ZFYVE9: variants seen among roughly 807,000 people sequenced by gnomAD.
The protein encoded by ZFYVE9 is zinc finger FYVE-type containing 9, also known as zinc finger FYVE domain-containing protein 9.
A neutral mutation model predicts 126.7 loss-of-function variants in ZFYVE9; 43 were observed. The ratio of observed to expected loss-of-function variants is 0.34; its 90% CI spans 0.27 to 0.44. The LOEUF (loss-of-function observed/expected upper bound fraction) is 0.44, where lower values mean the gene tolerates loss of function less well. ZFYVE9 is among the 20% of genes least tolerant of loss of function. The pLI is 1.00. For missense variants in ZFYVE9, 1,476 were observed against 1,697.0 expected (o/e 0.87, Z 2.29); for synonymous variants, 521 against 597.4 (o/e 0.87, Z 1.87).
intron 4 of ZFYVE9, among the ~76,000 whole-genome samples, chr1:52,249,558 T>G (rs565765403): frequency 6.6e-6 from 1 of 152,308 alleles, no homozygotes; most frequent in African/African-American, 2.4e-5. Context: ...ATAAATGATT[T>G]GCAGATATTT....
rs572976704 is a variant in ZFYVE9 at position 52,296,946 on chromosome 1, A to G, written c.3333+969A>G. Among the ~76,000 whole-genome samples the G allele has an allele frequency of 6.6e-5, 10 of 152,198 alleles. No individual in the cohort carries two copies. The East Asian group carries it at 1.6e-3, about 24-fold the overall frequency. On this transcript the variant is annotated intron_variant, in intron 12 of 18. Coordinates refer to ENST00000287727, the MANE Select transcript of ZFYVE9 (RefSeq NM_004799.4). ...CTGAGCCTCCTGAGCAGCTGTGACT[A>G]TGGGAGCACACTACCACACCCAGCT...
intron 4 of ZFYVE9, chr1:52,253,762 G>A: frequency 1.2e-6 from 2 of 1,607,566 alleles, no homozygotes; most frequent in Admixed American, 1.7e-5. Flanking sequence ...GTTACGAGAT[G>A]ACAATCTAGA....
In ZFYVE9 at chr1:52,184,203, A is replaced by G. The variant is rs57550964; in HGVS notation, c.-142-32166A>G. ...TCTTTAATGACAAGTGTCATTATAT[A>G]TATATATTTATATATATAGATATAT... On this transcript the variant is annotated intron_variant, in intron 1 of 18. Coordinates refer to ENST00000287727, the MANE Select transcript of ZFYVE9 (RefSeq NM_004799.4). 5.1e-3 allele frequency among the ~76,000 whole-genome samples: 727 copies of G among 143,826 alleles called. 29 individuals carry two copies. In the East Asian group the frequency reaches 0.092, roughly 18 times the overall value. 94.4% of individuals were successfully genotyped at this position (143,826 alleles called of 152,430 possible).
intron 1 of ZFYVE9, chr1:52,160,210 A>T (rs1644443150): frequency 1.4e-6 from 1 of 728,604 alleles, no homozygotes; most frequent in Non-Finnish European, 2.5e-6. Context: ...CTGCCTGTTA[A>T]GCTGCTCCCA....
intron 2 of ZFYVE9, among the ~76,000 whole-genome samples, chr1:52,225,587 T>C (rs190312103): frequency 6.2e-4 from 94 of 152,324 alleles, no homozygotes; most frequent in South Asian, 1.7e-3. Context: ...CTGATCCCGA[T>C]TGGCCAAGGC....
At chr1:52,157,660 TC>T (rs1421026855) in intron 1 of ZFYVE9, among the ~76,000 whole-genome samples, 1 of 152,000 alleles carries the variant, frequency 6.6e-6, no homozygotes, top group African/African-American at 2.4e-5. Flanking sequence ...CACCTCAGCC[TC>T]CCAGAGTGTG....
At chr1:52,259,119 G>A (rs971266285) in intron 4 of ZFYVE9, among the ~76,000 whole-genome samples, 3 of 152,090 alleles carry the variant, frequency 2.0e-5, no homozygotes, top group East Asian at 1.9e-4. Flanking sequence ...GGGGCTGTAC[G>A]GAAAAGATCT....
rs763892738 is a variant in ZFYVE9 at position 52,268,541 on chromosome 1, A to G, written c.2534A>G (p.Lys845Arg). ...AATGGAGAAGTTGCTGATGCAGCCAAATTAACAATGAATGGAACTTCCTCT... is the reference window on the plus strand; with the variant it reads ...AATGGAGAAGTTGCTGATGCAGCCAGATTAACAATGAATGGAACTTCCTCT... ...LPNGEVADAA[K>R]LTMNGTSSAG... is the part of the protein sequence containing the mutation. The change falls in exon 7 of 19, where the codon AAA becomes AGA. Residue 845 changes from lysine to arginine, a missense_variant. Physicochemically the swap from Lys to Arg is conservative, Grantham distance 26. Transcript: ENST00000287727. 2.5e-6 allele frequency: 4 copies of G among 1,614,202 alleles called. No individual in the cohort carries two copies. Among genetic ancestry groups the G allele is most frequent in the Non-Finnish European group, 3.4e-6 (4 of 1,180,034 alleles).
At chr1:52,242,456 T>C (rs1645343973) in intron 4 of ZFYVE9, among the ~76,000 whole-genome samples, 2 of 152,236 alleles carry the variant, frequency 1.3e-5, no homozygotes. Context: ...TGCTGTATCC[T>C]CAGCCCTAGA....
At chr1:52,310,388 A>G (rs538545486) in intron 13 of ZFYVE9, among the ~76,000 whole-genome samples, 26 of 152,242 alleles carry the variant, frequency 1.7e-4, no homozygotes, top group Non-Finnish European at 3.7e-4. Flanking sequence ...TATGCTAACT[A>G]CCTTTTTACA....
intron 13 of ZFYVE9, among the ~76,000 whole-genome samples, chr1:52,323,372 A>G (rs1026033766): frequency 3.3e-5 from 5 of 152,136 alleles, no homozygotes; most frequent in Non-Finnish European, 5.9e-5. Flanking sequence ...TTGTCATTGT[A>G]TAATAGTTTT....
intron 1 of ZFYVE9, among the ~76,000 whole-genome samples, chr1:52,149,639 GC>G (rs1475323416): frequency 6.6e-6 from 1 of 152,132 alleles, no homozygotes; most frequent in African/African-American, 2.4e-5. Flanking sequence ...TTCAAGGTAT[GC>G]CCTGCCACCA....
intron 10 of ZFYVE9, among the ~76,000 whole-genome samples, chr1:52,286,164 A>T (rs932674188): frequency 6.6e-6 from 1 of 152,118 alleles, no homozygotes; most frequent in Admixed American, 6.6e-5. Context: ...CTCAAAAAAA[A>T]AAAAAAACGT....
chr1:52,343,499 T>C lies in ZFYVE9; in HGVS notation c.3940-1269T>C, dbSNP rs531575318. Among the ~76,000 whole-genome samples the C allele has an allele frequency of 4.0e-5, 6 of 150,940 alleles. No individual in the cohort carries two copies. The East Asian group carries it at 1.2e-3, about 30-fold the overall frequency. ...GGCCGGGTGCGGTGGCTCACACCTG[T>C]AATCGTAGCACTTTGGGAGGCTGAG... On this transcript the variant is annotated intron_variant, in intron 17 of 18. Coordinates refer to ENST00000287727, the MANE Select transcript of ZFYVE9 (RefSeq NM_004799.4).
intron 5 of ZFYVE9, 85 bp from the exon 6 acceptor site, chr1:52,266,570 C>A: frequency 3.3e-6 from 4 of 1,194,312 alleles, no homozygotes; most frequent in Non-Finnish European, 4.6e-6. Context: ...TTAGGAGAAG[C>A]TGCATTATTT....
chr1:52,306,488 T>C (rs1410546756), intron 13 of ZFYVE9, among the ~76,000 whole-genome samples: 6 of 152,202 alleles, frequency 3.9e-5, no homozygotes, highest in South Asian at 2.1e-4. Context: ...CACCCTCCAC[T>C]TGTCTGCATA....
intron 1 of ZFYVE9, chr1:52,162,578 A>G: frequency 3.8e-6 from 1 of 260,626 alleles, no homozygotes. Flanking sequence ...TGTAAACCAC[A>G]TTGGCACCAT....
At chr1:52,266,881 G>T in intron 6 of ZFYVE9, 50 bp downstream of exon 6, 1 of 1,485,630 alleles carries the variant, frequency 6.7e-7, no homozygotes, top group South Asian at 1.4e-5. Context: ...AAGTTCCTCT[G>T]AAAAGGTGCT....
At chr1:52,174,988 C>A (rs534936966) in intron 1 of ZFYVE9, among the ~76,000 whole-genome samples, 1 of 152,076 alleles carries the variant, frequency 6.6e-6, no homozygotes, top group Non-Finnish European at 1.5e-5. Context: ...TTAATTGGAG[C>A]GTTTAGTCCA....
Sources: allele counts gnomAD v4.1 joint callset (sites outside exome capture counted in the v4.1 genomes callset), GRCh38; gene constraint gnomAD v4.1.1; transcripts MANE v1.5; gene names NCBI Gene and HGNC (gene_info 2026-07-23, HGNC 2026-07-21).